GSAP: variants seen among roughly 807,000 people sequenced by gnomAD.
GSAP encodes the protein gamma-secretase-activating protein.
Under a neutral mutation model 131.7 loss-of-function variants are expected in GSAP, and 118 were observed. The observed-to-expected ratio is 0.90, with a 90% CI of 0.77 to 1.04. GSAP has a LOEUF of 1.04. Among genes scored for constraint, GSAP ranks in the 50% least tolerant of loss-of-function variants. The pLI, the probability that GSAP is intolerant of heterozygous loss-of-function variation, is 0.00. For missense variants in GSAP, 1,019 were observed against 1,013.2 expected, an observed-to-expected ratio of 1.01 and a Z score of -0.08; for synonymous variants, 381 against 363.4, an observed-to-expected ratio of 1.05 and a Z score of -0.55.
chr7:77,351,029 G>T, intron 18 of GSAP: 2 of 651,724 alleles, frequency 3.1e-6, no homozygotes, highest in Non-Finnish European at 3.8e-6. Flanking sequence ...ATGTAATGTA[G>T]AAATAAAAAT....
At chr7:77,402,435 G>C (rs28399354) in intron 3 of GSAP, among the ~76,000 whole-genome samples, 12,668 of 140,954 alleles carry the variant, frequency 0.09, 603 homozygotes, top group African/African-American at 0.1. Flanking sequence ...CACACACACA[G>C]AAAAAAAAGA....
chr7:77,381,423 T>G, intron 7 of GSAP, 69 bp from the exon 8 acceptor site: 1 of 741,866 alleles, frequency 1.3e-6, no homozygotes, highest in Admixed American at 2.8e-5. Context: ...TTTGCCTAAC[T>G]CTTGTAAAAA....
chr7:77,416,192 TC>T lies in GSAP; in HGVS notation c.109+20del. ...CTCCCACTCCCCGCCCCCACCCCTC[TC>T]CGCAGCGCGCCTCCCGCACCTGCGC... On this transcript the variant is annotated intron_variant, in intron 1 of 30. Transcript: ENST00000257626. The T allele has an allele frequency of 1.9e-6, 1 of 521,012 alleles. No individual in the cohort carries two copies. The highest frequency in any genetic ancestry group is 6.2e-4 in the Middle Eastern group (1 of 1,602). 32.3% of individuals were successfully genotyped at this position (521,012 alleles called of 1,614,324 possible).
At chr7:77,322,136 A>G (rs1208923384) in intron 24 of GSAP, among the ~76,000 whole-genome samples, 1 of 152,260 alleles carries the variant, frequency 6.6e-6, no homozygotes, top group Non-Finnish European at 1.5e-5. Context: ...AAGGATCTCC[A>G]TAGACTCACA....
At chr7:77,376,511 C>T (rs113444321) in intron 10 of GSAP, among the ~76,000 whole-genome samples, 1,902 of 152,268 alleles carry the variant, frequency 0.012, 38 homozygotes, top group African/African-American at 0.044. Flanking sequence ...CGCAGTGGCT[C>T]ATGCCTGTAA....
intron 19 of GSAP, among the ~76,000 whole-genome samples, chr7:77,334,579 TTAAAAAAAAAAAAAA>T (rs1584319284): frequency 1.2e-5 from 1 of 82,386 alleles, no homozygotes. Context: ...AACTTAAAAT[TTAAAAAAAAAAAAAA>T]AAAAAAAAAA....
chr7:77,349,716 G>A (rs1337237124), intron 18 of GSAP, among the ~76,000 whole-genome samples: 1 of 152,146 alleles, frequency 6.6e-6, no homozygotes. Flanking sequence ...GAACGAATGA[G>A]GCAAATTATG....
Position 77,355,555 on chromosome 7 carries a change from C to G in GSAP, c.1120G>C (p.Gly374Arg). 6.2e-7 allele frequency: 1 copy of G among 1,602,194 alleles called. No homozygotes were observed. The highest frequency in any genetic ancestry group is 8.6e-7 in the Non-Finnish European group (1 of 1,169,476). Residue 374 changes from glycine to arginine, a missense_variant and splice_region_variant, in exon 15 of 31, where the codon GGA (glycine) becomes CGA (arginine). Gly to Arg is a moderately radical substitution (Grantham distance 125). Coordinates refer to ENST00000257626, the MANE Select transcript of GSAP (RefSeq NM_017439.4). The stretch of plus-strand genomic sequence containing the variant: ...TACAAGAGAAAAACTATAGCCGTAC[C>G]TGTCAGAAAGAGATTGTGGCAGATC... The part of the protein sequence containing the change: ...DLICHNLFLT[G>R]NNEMIDMLPH...
At position 77,364,930 on chromosome 7, in the gene GSAP, T is replaced by C. The variant is rs149333526; in HGVS notation, c.872-2270A>G. On this transcript the variant is annotated intron_variant, in intron 12 of 30. Coordinates refer to ENST00000257626, the MANE Select transcript of GSAP (RefSeq NM_017439.4). ...TATGGTGGCAACTAGCCACATGTAG[T>C]CACTGAACACTCAAAATGTGGATAA... Among the ~76,000 whole-genome samples the C allele has an allele frequency of 1.2e-3, 180 of 152,284 alleles. 5 individuals are homozygous for C. The East Asian group carries it at 0.033, about 28-fold the overall frequency.
At chr7:77,368,220 C>T (rs1158551083) in intron 12 of GSAP, among the ~76,000 whole-genome samples, 1 of 152,082 alleles carries the variant, frequency 6.6e-6, no homozygotes, top group Non-Finnish European at 1.5e-5. Flanking sequence ...TGCCATTCTC[C>T]ATGGGTTAAG....
intron 20 of GSAP, 63 bp downstream of exon 20, chr7:77,330,176 C>A: frequency 6.6e-7 from 1 of 1,519,832 alleles, no homozygotes; most frequent in South Asian, 1.3e-5. Flanking sequence ...GATTTAAAGG[C>A]ATCACCTGGA....
chr7:77,399,437 G>A (rs540689593), intron 3 of GSAP, among the ~76,000 whole-genome samples: 70 of 152,252 alleles, frequency 4.6e-4, no homozygotes, highest in Admixed American at 5.9e-4. Flanking sequence ...CAAACCCAGT[G>A]GAAAAGAGAA....
At chr7:77,378,187 A>C (rs957912536) in intron 8 of GSAP, among the ~76,000 whole-genome samples, 2 of 152,200 alleles carry the variant, frequency 1.3e-5, no homozygotes, top group African/African-American at 4.8e-5. Context: ...GTTTGTTTGG[A>C]AGGCGGAAAA....
intron 5 of GSAP, among the ~76,000 whole-genome samples, chr7:77,396,080 A>G (rs1249052373): frequency 6.6e-6 from 1 of 152,196 alleles, no homozygotes; most frequent in Non-Finnish European, 1.5e-5. Context: ...TAAATTGAAA[A>G]GCCAGTTCCA....
intron 14 of GSAP, among the ~76,000 whole-genome samples, chr7:77,357,105 C>A (rs570103838): frequency 6.6e-6 from 1 of 152,124 alleles, no homozygotes; most frequent in Non-Finnish European, 1.5e-5. Flanking sequence ...GCACTATGTC[C>A]GTGGGGTGGT....
At chr7:77,350,492 T>A (rs575582847) in intron 18 of GSAP, among the ~76,000 whole-genome samples, 172 of 151,268 alleles carry the variant, frequency 1.1e-3, no homozygotes, top group African/African-American at 4.1e-3. Context: ...TCCCAGAACT[T>A]TGGGAGGCCA....
At chr7:77,415,767 T>C (rs1804283004) in intron 1 of GSAP, 1 of 158,428 alleles carries the variant, frequency 6.3e-6, no homozygotes, top group Non-Finnish European at 1.4e-5. Context: ...GTGGTTTGCT[T>C]GGTGGTCACG....
chr7:77,402,899 T>G, intron 3 of GSAP, among the ~76,000 whole-genome samples: 1 of 152,140 alleles, frequency 6.6e-6, no homozygotes, highest in East Asian at 1.9e-4. Flanking sequence ...CACTGGAAAA[T>G]TTTTGAAAAA....
chr7:77,331,798 C>T (rs1420862067), intron 19 of GSAP: 1 of 151,754 alleles, frequency 6.6e-6, no homozygotes. Flanking sequence ...CCACTCCTCA[C>T]TTGACTCACC....
Sources: allele counts gnomAD v4.1 joint callset (sites outside exome capture counted in the v4.1 genomes callset), GRCh38; gene constraint gnomAD v4.1.1; transcripts MANE v1.5; gene names NCBI Gene and HGNC (gene_info 2026-07-23, HGNC 2026-07-21).